Variants in MRPS28 observed in about 807,000 individuals in gnomAD.
The protein encoded by MRPS28 is small ribosomal subunit protein bS1m.
A neutral mutation model predicts 10.8 loss-of-function variants in MRPS28; 7 were observed. That is an observed-to-expected ratio of 0.65 (90% CI 0.37 to 1.22). The LOEUF (loss-of-function observed/expected upper bound fraction) is 1.22. Ranked by LOEUF, MRPS28 falls within the 50% of genes most tolerant of loss-of-function variation. MRPS28 has a pLI of 0.02. For missense variants in MRPS28, 265 were observed against 232.9 expected (o/e 1.14, Z -0.90); for synonymous variants, 121 against 93.3 (o/e 1.30, Z -1.71).
intron 2 of MRPS28, among the ~76,000 whole-genome samples, chr8:79,965,970 A>G (rs1414101069): frequency 6.6e-6 from 1 of 152,064 alleles, no homozygotes; most frequent in Non-Finnish European, 1.5e-5. Flanking sequence ...GCTTCTGAAC[A>G]TATGTAAGTA....
chr8:79,938,715 C>T (rs566629176), intron 2 of MRPS28, among the ~76,000 whole-genome samples: 41 of 152,092 alleles, frequency 2.7e-4, no homozygotes, highest in South Asian at 8.3e-4. Flanking sequence ...CTGTACATAA[C>T]GGAAAATTCT....
At chr8:79,997,829 C>T (rs1019459504) in intron 2 of MRPS28, among the ~76,000 whole-genome samples, 3 of 151,862 alleles carry the variant, frequency 2.0e-5, no homozygotes, top group African/African-American at 4.8e-5. Flanking sequence ...CTGAGACGGG[C>T]GGATCACTTG....
intron 1 of MRPS28, among the ~76,000 whole-genome samples, chr8:80,005,895 T>C (rs1808827743): frequency 6.6e-6 from 1 of 152,224 alleles, no homozygotes; most frequent in Admixed American, 6.5e-5. Context: ...AGAAGGCCAC[T>C]ACTTAATGGT....
intron 2 of MRPS28, among the ~76,000 whole-genome samples, chr8:79,952,499 C>T (rs1202738274): frequency 6.6e-6 from 1 of 152,110 alleles, no homozygotes; most frequent in Non-Finnish European, 1.5e-5. Context: ...GAAGAGGTAG[C>T]GATGTTCTTA....
chr8:79,966,228 T>C (rs1162526600), intron 2 of MRPS28, among the ~76,000 whole-genome samples: 1 of 151,992 alleles, frequency 6.6e-6, no homozygotes, highest in African/African-American at 2.4e-5. Flanking sequence ...TTTGCAGAAC[T>C]TGAGTGAGCT....
intron 2 of MRPS28, among the ~76,000 whole-genome samples, chr8:79,982,104 G>T (rs959739330): frequency 6.6e-6 from 1 of 152,146 alleles, no homozygotes; most frequent in Non-Finnish European, 1.5e-5. Context: ...AAAATTAGGT[G>T]AGCATGGTGG....
intron 2 of MRPS28, among the ~76,000 whole-genome samples, chr8:80,000,617 ATGT>A (rs1808635783): frequency 3.3e-5 from 5 of 152,376 alleles, no homozygotes; most frequent in South Asian, 4.1e-4. Context: ...GATTTAATAA[ATGT>A]TGTAATAGAT....
intron 1 of MRPS28, among the ~76,000 whole-genome samples, chr8:80,018,295 CAA>C (rs55883340): frequency 3.8e-5 from 2 of 53,076 alleles, no homozygotes; most frequent in Admixed American, 2.9e-4. Context: ...TACTCTGTCT[CAA>C]AAAAAAAAAA....
chr8:80,000,139 G>C (rs1040512530), intron 2 of MRPS28, among the ~76,000 whole-genome samples: 2 of 152,166 alleles, frequency 1.3e-5, no homozygotes, highest in East Asian at 3.8e-4. Context: ...AAATTGAAGA[G>C]GTCTAGTAAG....
chr8:80,026,914 GAAA>G (rs61156883), intron 1 of MRPS28, among the ~76,000 whole-genome samples: 1 of 151,784 alleles, frequency 6.6e-6, no homozygotes, highest in Non-Finnish European at 1.5e-5. Context: ...CATTCATTAA[GAAA>G]AAAAATTATT....
In MRPS28 at chr8:79,919,088, C is replaced by A; in HGVS notation, c.456G>T (p.Arg152Ser). 6.2e-7 allele frequency: 1 copy of A among 1,610,772 alleles called. No individual in the cohort carries two copies. Among genetic ancestry groups the A allele is most frequent in the South Asian group, 1.1e-5 (1 of 90,382 alleles). The change falls in exon 3 of 3, where the codon AGG (arginine) becomes AGT (serine). Residue 152 changes from arginine (R) to serine (S), a missense_variant. Physicochemically the swap from Arg to Ser is moderately radical, Grantham distance 110. Coordinates refer to ENST00000276585, the MANE Select transcript of MRPS28 (RefSeq NM_014018.3). ...TTGTATCTGTTGTTGCTCCCAGGAA[C>A]CTAGACGTAAGTTCAAGATCTAATA... ...LRLLDLELTS[R>S]FLGATTDTTV...
intron 2 of MRPS28, among the ~76,000 whole-genome samples, chr8:79,921,273 G>T (rs1450958374): frequency 2.6e-5 from 4 of 151,806 alleles, no homozygotes; most frequent in Non-Finnish European, 4.4e-5. Flanking sequence ...GGCGATGTGG[G>T]CTCTTTTTTG....
At chr8:80,021,158 A>G (rs1025357662) in intron 1 of MRPS28, among the ~76,000 whole-genome samples, 1 of 152,000 alleles carries the variant, frequency 6.6e-6, no homozygotes, top group Non-Finnish European at 1.5e-5. Flanking sequence ...ATGAGCCACC[A>G]TGCCCGGCTA....
At chr8:80,007,708 C>A (rs1385431525) in intron 1 of MRPS28, among the ~76,000 whole-genome samples, 1 of 152,154 alleles carries the variant, frequency 6.6e-6, no homozygotes, top group Admixed American at 6.5e-5. Context: ...AGGAATCCAA[C>A]TTACAAGGGA....
chr8:79,940,361 A>C (rs1258433130), intron 2 of MRPS28, among the ~76,000 whole-genome samples: 1 of 152,182 alleles, frequency 6.6e-6, no homozygotes. Flanking sequence ...CATTTTTCAT[A>C]ATGCATTTGC....
At chr8:79,969,440 A>G (rs1279420996) in intron 2 of MRPS28, among the ~76,000 whole-genome samples, 1 of 152,190 alleles carries the variant, frequency 6.6e-6, no homozygotes, top group Non-Finnish European at 1.5e-5. Context: ...AAGAAATCTC[A>G]CAGAACAAAA....
intron 2 of MRPS28, among the ~76,000 whole-genome samples, chr8:79,921,732 G>A (rs1450125469): frequency 6.6e-6 from 1 of 151,962 alleles, no homozygotes; most frequent in Non-Finnish European, 1.5e-5. Context: ...CTGCAAACAG[G>A]GACAATTTGA....
chr8:80,026,480 A>G (rs16907378), intron 1 of MRPS28, among the ~76,000 whole-genome samples: 5,217 of 152,330 alleles, frequency 0.034, 131 homozygotes, highest in African/African-American at 0.072. Context: ...ACGACAGGCC[A>G]GGTATAACTG....
Position 79,962,158 on chromosome 8 carries a change from G to T in MRPS28, c.395+40841C>A, listed in dbSNP as rs114269059. Among the ~76,000 whole-genome samples, 842 of 152,028 alleles carry T rather than the reference G, an allele frequency of 5.5e-3. 9 individuals are homozygous for T. The highest frequency in any genetic ancestry group is 0.02 in the African/African-American group (813 of 41,484). ...TAGTGAGGATGGTTAAAAAAAAAAG[G>T]AGAAGGGTAACCTGAGTTCCCAGAG... On this transcript the variant is annotated intron_variant, in intron 2 of 2. Coordinates refer to ENST00000276585, the MANE Select transcript of MRPS28 (RefSeq NM_014018.3).
Sources: allele counts gnomAD v4.1 joint callset (sites outside exome capture counted in the v4.1 genomes callset), GRCh38; gene constraint gnomAD v4.1.1; transcripts MANE v1.5; gene names NCBI Gene and HGNC (gene_info 2026-07-23, HGNC 2026-07-21).